ERBB4: variants seen among roughly 807,000 people sequenced by gnomAD.
ERBB4 encodes the protein receptor tyrosine-protein kinase erbB-4.
A neutral mutation model predicts 158.0 loss-of-function variants in ERBB4; 42 were observed. That is an observed-to-expected ratio of 0.27 (90% CI 0.21 to 0.34). The LOEUF is 0.34. ERBB4 is among the 10% of genes least tolerant of loss of function. ERBB4 has a pLI of 1.00. For synonymous variants in ERBB4, 583 were observed against 558.7 expected (o/e 1.04, Z -0.61); for missense variants, 1,333 against 1,624.1 (o/e 0.82, Z 3.08).
chr2:212,269,099 G>C (rs770789077), intron 1 of ERBB4, among the ~76,000 whole-genome samples: 2 of 151,820 alleles, frequency 1.3e-5, no homozygotes, highest in Non-Finnish European at 2.9e-5. Context: ...ACACAAATGG[G>C]TACTTGAAAG....
intron 20 of ERBB4, among the ~76,000 whole-genome samples, chr2:211,474,401 T>C (rs1020603976): frequency 2.6e-5 from 4 of 152,110 alleles, no homozygotes; most frequent in Non-Finnish European, 5.9e-5. Context: ...ACATTAATGA[T>C]AAGTGGTATA....
At chr2:211,881,914 G>T (rs1349635893) in intron 3 of ERBB4, among the ~76,000 whole-genome samples, 1 of 152,088 alleles carries the variant, frequency 6.6e-6, no homozygotes, top group African/African-American at 2.4e-5. Context: ...CAGTCTTTTT[G>T]GGGGGATGCT....
chr2:211,930,061 A>G (rs955243325), intron 3 of ERBB4, among the ~76,000 whole-genome samples: 1 of 152,174 alleles, frequency 6.6e-6, no homozygotes. Flanking sequence ...TATTATTACA[A>G]TTATTTTACA....
intron 3 of ERBB4, among the ~76,000 whole-genome samples, chr2:211,934,207 AG>A (rs2080252070): frequency 6.6e-6 from 1 of 151,996 alleles, no homozygotes; most frequent in African/African-American, 2.4e-5. Flanking sequence ...AATGTAGTTT[AG>A]GGAGGCAAAA....
intron 2 of ERBB4, among the ~76,000 whole-genome samples, chr2:212,024,571 T>A (rs779811069): frequency 1.3e-5 from 2 of 151,910 alleles, no homozygotes; most frequent in Non-Finnish European, 2.9e-5. Context: ...CATTTTGACA[T>A]TCAAAAGGAG....
chr2:212,124,919 G>C lies in ERBB4; in HGVS notation c.83-16C>G. 1 of 1,613,930 alleles carries C rather than the reference G, an allele frequency of 6.2e-7. No homozygotes were observed. The highest frequency in any genetic ancestry group is 8.5e-7 in the Non-Finnish European group (1 of 1,179,830). On this transcript the variant is annotated splice_polypyrimidine_tract_variant and intron_variant, in intron 1 of 27. Transcript: ENST00000342788. ...CCTGCACACACTGCAAAGACAAGAA[G>C]ATACACGTGAAATTACATAACCTTT...
At chr2:211,532,319 G>C (rs558450733) in intron 20 of ERBB4, among the ~76,000 whole-genome samples, 2 of 152,126 alleles carry the variant, frequency 1.3e-5, no homozygotes, top group South Asian at 2.1e-4. Context: ...AAGCATAAAT[G>C]CTTGATGTGA....
chr2:211,952,753 A>C (rs1183993680), intron 2 of ERBB4, among the ~76,000 whole-genome samples: 3 of 152,012 alleles, frequency 2.0e-5, no homozygotes, highest in Non-Finnish European at 4.4e-5. Context: ...TAAAACCGTA[A>C]TAGGGGTTAG....
At chr2:211,407,301 GTC>G (rs2125368521) in intron 25 of ERBB4, among the ~76,000 whole-genome samples, 1 of 152,162 alleles carries the variant, frequency 6.6e-6, no homozygotes, top group African/African-American at 2.4e-5. Context: ...CTGTAGCCTG[GTC>G]TCTCTAACAC....
chr2:211,477,313 T>C lies in ERBB4; in HGVS notation c.2488-46213A>G, dbSNP rs192034420. ...TTCCTTAAAATCTCTCTCTCTCTCT[T>C]TCTCTCTCTCTCTCTCCTACACATA... On this transcript the variant is annotated intron_variant, in intron 20 of 27. Coordinates refer to ENST00000342788, the MANE Select transcript of ERBB4 (RefSeq NM_005235.3). 1.6e-3 allele frequency among the ~76,000 whole-genome samples: 236 copies of C among 144,242 alleles called. 1 individual carries two copies. Among genetic ancestry groups the C allele is most frequent in the African/African-American group, 6.5e-3 (225 of 34,608 alleles). The allele number at this position is 144,242 out of a possible 152,430, so 94.6% of individuals were successfully genotyped here.
intron 3 of ERBB4, among the ~76,000 whole-genome samples, chr2:211,873,570 T>C (rs2078412317): frequency 6.6e-6 from 1 of 152,262 alleles, no homozygotes; most frequent in Admixed American, 6.5e-5. Context: ...CCAAAAGTAG[T>C]GTTGTATATG....
intron 2 of ERBB4, among the ~76,000 whole-genome samples, chr2:212,041,187 T>A (rs993039895): frequency 9.9e-5 from 15 of 152,246 alleles, no homozygotes; most frequent in African/African-American, 3.1e-4. Flanking sequence ...GTAAAACATT[T>A]AGAAAAGTGT....
intron 20 of ERBB4, among the ~76,000 whole-genome samples, chr2:211,440,818 A>G (rs2063957096): frequency 6.6e-6 from 1 of 152,206 alleles, no homozygotes; most frequent in African/African-American, 2.4e-5. Context: ...TAAAAATGTG[A>G]AACTCCTAGA....
chr2:211,639,526 A>G (rs1241515185), intron 16 of ERBB4, among the ~76,000 whole-genome samples: 1 of 152,218 alleles, frequency 6.6e-6, no homozygotes, highest in African/African-American at 2.4e-5. Context: ...CCATATTTAA[A>G]AAGTTTTCTT....
chr2:212,154,785 G>C (rs1012682043), intron 1 of ERBB4, among the ~76,000 whole-genome samples: 5 of 152,162 alleles, frequency 3.3e-5, no homozygotes, highest in African/African-American at 1.2e-4. Context: ...GAGCTGGGGA[G>C]AGTTAAAAAA....
intron 25 of ERBB4, among the ~76,000 whole-genome samples, chr2:211,389,688 A>AATG (rs2062761657): frequency 6.6e-6 from 1 of 152,176 alleles, no homozygotes; most frequent in Admixed American, 6.5e-5. Flanking sequence ...CAGATCGTTT[A>AATG]ATGACCTGGG....
intron 16 of ERBB4, among the ~76,000 whole-genome samples, chr2:211,650,965 T>C (rs1443192460): frequency 6.6e-6 from 1 of 152,182 alleles, no homozygotes; most frequent in African/African-American, 2.4e-5. Flanking sequence ...GTGGTTACCA[T>C]ATTGGACAGT....
At chr2:211,724,038 G>A (rs2074186093) in intron 6 of ERBB4, among the ~76,000 whole-genome samples, 1 of 152,112 alleles carries the variant, frequency 6.6e-6, no homozygotes, top group South Asian at 2.1e-4. Flanking sequence ...TGTTGTTATT[G>A]TTTTGGAATT....
At position 212,055,955 on chromosome 2, in the gene ERBB4, A is replaced by C. The variant is rs151241250; in HGVS notation, c.234+68797T>G. On this transcript the variant is annotated intron_variant, in intron 2 of 27. Coordinates refer to ENST00000342788, the MANE Select transcript of ERBB4 (RefSeq NM_005235.3). ...ATGACTTTGACAAGTTGACAGAAGAAGGCTTCAGAAGATCAAACTTCTCTG... is the reference window on the plus strand; with the variant it reads ...ATGACTTTGACAAGTTGACAGAAGACGGCTTCAGAAGATCAAACTTCTCTG... Among the ~76,000 whole-genome samples the C allele has an allele frequency of 5.1e-4, 78 of 152,374 alleles. 1 individual carries two copies. The East Asian group carries it at 0.01, about 20-fold the overall frequency.
Sources: allele counts gnomAD v4.1 joint callset (sites outside exome capture counted in the v4.1 genomes callset), GRCh38; gene constraint gnomAD v4.1.1; transcripts MANE v1.5; gene names NCBI Gene and HGNC (gene_info 2026-07-23, HGNC 2026-07-21).